The following TTL variants were observed in gnomAD, a reference collection of about 807,000 sequenced individuals.
TTL encodes tubulin tyrosine ligase.
TTL carries 10 observed loss-of-function variants against 41.1 expected under a neutral mutation model. The ratio of observed to expected loss-of-function variants is 0.24; its 90% CI spans 0.15 to 0.41. The LOEUF is 0.41. TTL is among the 10% of genes least tolerant of loss of function. TTL has a pLI of 1.00. For missense variants in TTL, 367 were observed against 460.4 expected (o/e 0.80, Z 1.86); for synonymous variants, 175 against 175.5 (o/e 1.00, Z 0.02).
chr2:112,501,302 C>T lies in TTL; in HGVS notation c.566C>T (p.Pro189Leu), dbSNP rs1039566594. 1 of 1,612,786 alleles carries T rather than the reference C, an allele frequency of 6.2e-7. No individual in the cohort carries two copies. The highest frequency in any genetic ancestry group is 8.5e-7 in the Non-Finnish European group (1 of 1,179,430). ...GTGATCCAGAAATATCTTGAGCACC[C>T]TCTGCTGCTTGAGCCAGGTCATCGC... ...VHVIQKYLEH[P>L]LLLEPGHRKF... The change falls in exon 4 of 7, where the codon CCT becomes CTT. Residue 189 changes from proline (P) to leucine (L), a missense_variant. Coordinates refer to ENST00000233336, the MANE Select transcript of TTL (RefSeq NM_153712.5).
intron 2 of TTL, among the ~76,000 whole-genome samples, chr2:112,489,966 T>C (rs928669884): frequency 6.6e-5 from 10 of 152,222 alleles, no homozygotes; most frequent in African/African-American, 2.4e-4. Flanking sequence ...AATCTTTATT[T>C]AAAAAGACCC....
At chr2:112,483,891 G>T (rs1367726896) in intron 1 of TTL, 2 of 152,174 alleles carry the variant, frequency 1.3e-5, no homozygotes, top group African/African-American at 4.8e-5. Flanking sequence ...TGGTTAACCG[G>T]TGTCAGGAAG....
intron 5 of TTL, among the ~76,000 whole-genome samples, chr2:112,519,550 GTTTTTTT>G (rs34836273): frequency 1.8e-5 from 2 of 110,518 alleles, no homozygotes; most frequent in African/African-American, 3.4e-5. Context: ...AGGTCAACAT[GTTTTTTT>G]TTTTTTTTTT....
intron 5 of TTL, among the ~76,000 whole-genome samples, chr2:112,503,425 A>T (rs368034688): frequency 3.4e-5 from 5 of 145,030 alleles, no homozygotes; most frequent in African/African-American, 5.0e-5. Context: ...ATATATTTAT[A>T]TATTTATTTA....
Position 112,528,827 on chromosome 2 carries a change from C to T in TTL, c.*32C>T, listed in dbSNP as rs2104480638. 1 of 1,514,314 alleles carries T rather than the reference C, an allele frequency of 6.6e-7. No individual in the cohort carries two copies. The highest frequency in any genetic ancestry group is 9.2e-7 in the Non-Finnish European group (1 of 1,088,890). The allele number at this position is 1,514,314 out of a possible 1,614,324, so 93.8% of individuals were successfully genotyped here. ...GCACTCCCTGCTGCCTTGGAAAAAGCACGGGGTCCTGCTCCAGGGAATGGT... is the reference window on the plus strand; with the variant it reads ...GCACTCCCTGCTGCCTTGGAAAAAGTACGGGGTCCTGCTCCAGGGAATGGT... On this transcript the variant is annotated 3_prime_UTR_variant, in exon 7 of 7. Transcript: ENST00000233336.
At chr2:112,511,660 G>C (rs1164945981) in intron 5 of TTL, among the ~76,000 whole-genome samples, 3 of 151,702 alleles carry the variant, frequency 2.0e-5, no homozygotes, top group Non-Finnish European at 4.4e-5. Context: ...TGCCTCCCAG[G>C]CTCAAGCCAT....
rs899880956 is a variant in TTL at position 112,528,218 on chromosome 2, C to T, written c.1020-463C>T. Among the ~76,000 whole-genome samples, 10 of 152,238 alleles carry T rather than the reference C, an allele frequency of 6.6e-5. 1 individual carries two copies. The highest frequency in any genetic ancestry group is 1.4e-4 in the African/African-American group (6 of 41,536). On this transcript the variant is annotated intron_variant, in intron 6 of 6. Transcript: ENST00000233336. ...GATAGGCTTCCCTTTGTGGGTAACC[C>T]GACCTTTCTCTCTGGCTGAGTGGCA...
chr2:112,486,072 A>G, intron 2 of TTL, 77 bp downstream of exon 2: 1 of 1,399,424 alleles, frequency 7.1e-7, no homozygotes, highest in Non-Finnish European at 1.0e-6. Context: ...TGTTTAAAGG[A>G]CAAACATACT....
chr2:112,524,950 C>T (rs938946721), intron 6 of TTL, among the ~76,000 whole-genome samples: 5 of 152,162 alleles, frequency 3.3e-5, no homozygotes, highest in Non-Finnish European at 5.9e-5. Context: ...ATTAATGCGT[C>T]CTGAATTAAT....
chr2:112,492,475 A>G (rs1025104202), intron 2 of TTL, among the ~76,000 whole-genome samples: 1 of 151,918 alleles, frequency 6.6e-6, no homozygotes, highest in Non-Finnish European at 1.5e-5. Flanking sequence ...TCACGCCTGT[A>G]ATCCCAGCAC....
At chr2:112,491,054 C>T (rs1574055117) in intron 2 of TTL, among the ~76,000 whole-genome samples, 2 of 152,028 alleles carry the variant, frequency 1.3e-5, no homozygotes, top group South Asian at 2.1e-4. Flanking sequence ...TACAGTGGCA[C>T]GATCTCAGCT....
chr2:112,517,474 C>T (rs1682100722), intron 5 of TTL, among the ~76,000 whole-genome samples: 1 of 151,840 alleles, frequency 6.6e-6, no homozygotes, highest in Non-Finnish European at 1.5e-5. Flanking sequence ...GTTTTGAACT[C>T]CTGACCTCAA....
At chr2:112,487,400 G>A (rs1041551939) in intron 2 of TTL, among the ~76,000 whole-genome samples, 1 of 152,132 alleles carries the variant, frequency 6.6e-6, no homozygotes, top group African/African-American at 2.4e-5. Context: ...ATAGAAGTGG[G>A]ACATGCTTGT....
intron 2 of TTL, among the ~76,000 whole-genome samples, chr2:112,492,730 C>CA (rs1371563548): frequency 2.4e-4 from 33 of 134,932 alleles, no homozygotes; most frequent in Admixed American, 3.7e-4. Context: ...ACTCCATCTC[C>CA]AAAAAAAAAA....
chr2:112,522,398 A>G (rs1682262700), intron 6 of TTL: 1 of 152,414 alleles, frequency 6.6e-6, no homozygotes, highest in Admixed American at 6.5e-5. Context: ...ACCCCCTTGG[A>G]CCTGTCAGCA....
At position 112,531,214 on chromosome 2, in the gene TTL, TG is replaced by T. The variant is rs779430271; in HGVS notation, c.*2420del. 4.9e-5 allele frequency: 11 copies of T among 222,552 alleles called. No individual in the cohort carries two copies. Among genetic ancestry groups the T allele is most frequent in the Non-Finnish European group, 9.9e-5 (11 of 111,012 alleles). 13.8% of individuals were successfully genotyped at this position (222,552 alleles called of 1,614,324 possible). On this transcript the variant is annotated 3_prime_UTR_variant, in exon 7 of 7. Transcript: ENST00000233336. ...GTTCCTTTCCCTTCCATGATGTCCT[TG>T]ACACAGAAGGTTATGCCTGGCTCCC...
At chr2:112,515,808 G>A (rs184453683) in intron 5 of TTL, among the ~76,000 whole-genome samples, 9 of 152,192 alleles carry the variant, frequency 5.9e-5, no homozygotes, top group East Asian at 1.9e-4. Flanking sequence ...TTAGCCAGGC[G>A]TGGTGGTGGG....
At chr2:112,491,580 A>G (rs940968363) in intron 2 of TTL, among the ~76,000 whole-genome samples, 23 of 152,198 alleles carry the variant, frequency 1.5e-4, no homozygotes, top group African/African-American at 5.5e-4. Flanking sequence ...CTACATTTGC[A>G]TCTAAAATGG....
At chr2:112,512,184 C>T (rs539046833) in intron 5 of TTL, among the ~76,000 whole-genome samples, 5 of 151,974 alleles carry the variant, frequency 3.3e-5, no homozygotes, top group East Asian at 1.9e-4. Flanking sequence ...CTCTGCCTCC[C>T]GGGTTCAAGT....
Sources: allele counts gnomAD v4.1 joint callset (sites outside exome capture counted in the v4.1 genomes callset), GRCh38; gene constraint gnomAD v4.1.1; transcripts MANE v1.5; gene names NCBI Gene and HGNC (gene_info 2026-07-23, HGNC 2026-07-21).